The following MAN1A2 variants were observed in gnomAD, a reference collection of about 807,000 sequenced individuals.
MAN1A2 encodes the protein mannosidase alpha class 1A member 2, also known as mannosyl-oligosaccharide 1,2-alpha-mannosidase IB.
A neutral mutation model predicts 75.7 loss-of-function variants in MAN1A2; 26 were observed. The observed-to-expected ratio is 0.34, with a 90% confidence interval of 0.25 to 0.48. The LOEUF (loss-of-function observed/expected upper bound fraction) is 0.48, where lower values mean the gene tolerates loss of function less well. Ranked by LOEUF, MAN1A2 falls within the 20% of genes least tolerant of loss-of-function variation. MAN1A2 has a pLI of 0.99. For missense variants in MAN1A2, 562 were observed against 775.5 expected (o/e 0.72, Z 3.27); for synonymous variants, 247 against 264.6 (o/e 0.93, Z 0.65).
At chr1:117,480,538 C>CT (rs889659542) in intron 8 of MAN1A2, among the ~76,000 whole-genome samples, 4 of 151,596 alleles carry the variant, frequency 2.6e-5, no homozygotes, top group Non-Finnish European at 5.9e-5. Flanking sequence ...GCCAGAAGCA[C>CT]TTTTTTAAAA....
intron 8 of MAN1A2, among the ~76,000 whole-genome samples, chr1:117,469,389 C>T (rs1191078709): frequency 6.6e-6 from 1 of 151,954 alleles, no homozygotes; most frequent in South Asian, 2.1e-4. Context: ...TCTTCGTGAC[C>T]TTTGATTTGA....
intron 1 of MAN1A2, among the ~76,000 whole-genome samples, chr1:117,391,854 A>C (rs999617782): frequency 6.6e-6 from 1 of 152,164 alleles, no homozygotes; most frequent in Non-Finnish European, 1.5e-5. Context: ...ACCCGTTTCT[A>C]TCCAGTCAGT....
At chr1:117,471,492 A>G (rs1650150182) in intron 8 of MAN1A2, among the ~76,000 whole-genome samples, 2 of 151,904 alleles carry the variant, frequency 1.3e-5, no homozygotes, top group Admixed American at 1.3e-4. Context: ...ATTTCTGAAT[A>G]TCAAAAGGAC....
chr1:117,404,022 A>G (rs1404646739), intron 2 of MAN1A2, among the ~76,000 whole-genome samples: 1 of 152,212 alleles, frequency 6.6e-6, no homozygotes, highest in Non-Finnish European at 1.5e-5. Flanking sequence ...ATTTTTCTCT[A>G]GATGACTGTA....
intron 8 of MAN1A2, among the ~76,000 whole-genome samples, chr1:117,469,345 C>G (rs1650069814): frequency 6.6e-6 from 1 of 152,056 alleles, no homozygotes. Context: ...AGAACCAAAA[C>G]TGTAAAACTC....
chr1:117,382,918 A>G (rs190185866), intron 1 of MAN1A2, among the ~76,000 whole-genome samples: 5 of 152,328 alleles, frequency 3.3e-5, no homozygotes, highest in Admixed American at 2.6e-4. Context: ...TATTAGCTCT[A>G]TTAATCATTT....
chr1:117,400,542 C>G (rs1165923958), intron 1 of MAN1A2, among the ~76,000 whole-genome samples: 1 of 151,382 alleles, frequency 6.6e-6, no homozygotes, highest in Non-Finnish European at 1.5e-5. Context: ...CTGGCTACCA[C>G]TAATCTATTC....
At chr1:117,402,970 A>G (rs1218067282) in intron 2 of MAN1A2, among the ~76,000 whole-genome samples, 1 of 152,144 alleles carries the variant, frequency 6.6e-6, no homozygotes, top group Non-Finnish European at 1.5e-5. Context: ...AAATTCTTTA[A>G]ATTTATTTAG....
chr1:117,371,839 T>C (rs1652973981), intron 1 of MAN1A2, among the ~76,000 whole-genome samples: 1 of 151,302 alleles, frequency 6.6e-6, no homozygotes, highest in Non-Finnish European at 1.5e-5. Flanking sequence ...CTTGAAAAAT[T>C]AGAGGTTATG....
At chr1:117,479,324 A>G (rs1343440608) in intron 8 of MAN1A2, among the ~76,000 whole-genome samples, 1 of 151,834 alleles carries the variant, frequency 6.6e-6, no homozygotes, top group Non-Finnish European at 1.5e-5. Flanking sequence ...TATGTACCAC[A>G]TTTTCTTTAT....
At chr1:117,426,914 T>A (rs1244875075) in intron 5 of MAN1A2, among the ~76,000 whole-genome samples, 1 of 152,194 alleles carries the variant, frequency 6.6e-6, no homozygotes, top group East Asian at 1.9e-4. Context: ...TGTCTTTTTA[T>A]ATATTGCAAG....
At chr1:117,485,263 TTAAC>T (rs1650636591) in intron 8 of MAN1A2, among the ~76,000 whole-genome samples, 1 of 151,994 alleles carries the variant, frequency 6.6e-6, no homozygotes, top group South Asian at 2.1e-4. Flanking sequence ...ATGTATAGTA[TTAAC>T]TAATTGCAGT....
At chr1:117,374,972 C>T (rs894376068) in intron 1 of MAN1A2, among the ~76,000 whole-genome samples, 2 of 151,912 alleles carry the variant, frequency 1.3e-5, no homozygotes, top group African/African-American at 4.8e-5. Flanking sequence ...GAAATCTATA[C>T]CGATTTAAAA....
intron 8 of MAN1A2, among the ~76,000 whole-genome samples, chr1:117,470,296 G>A (rs1650110346): frequency 6.6e-6 from 1 of 152,064 alleles, no homozygotes; most frequent in Non-Finnish European, 1.5e-5. Flanking sequence ...GATTAGAGTT[G>A]ACCAGAGGCT....
intron 5 of MAN1A2, among the ~76,000 whole-genome samples, chr1:117,436,131 C>A (rs1367371594): frequency 1.3e-5 from 2 of 152,052 alleles, no homozygotes; most frequent in African/African-American, 4.8e-5. Context: ...GTTACTTGAA[C>A]AGAGAAAATT....
intron 12 of MAN1A2, among the ~76,000 whole-genome samples, chr1:117,509,816 CAAAA>C (rs3835644): frequency 6.7e-6 from 1 of 148,418 alleles, no homozygotes; most frequent in African/African-American, 2.5e-5. Context: ...GAAGAAATGA[CAAAA>C]AAAAAAAATG....
chr1:117,451,448 T>C (rs1383405418), intron 6 of MAN1A2, among the ~76,000 whole-genome samples: 1 of 152,116 alleles, frequency 6.6e-6, no homozygotes, highest in Non-Finnish European at 1.5e-5. Context: ...AATAAGACTT[T>C]GGGGGACTGT....
chr1:117,402,802 A>G (rs770329976), intron 2 of MAN1A2, among the ~76,000 whole-genome samples: 5 of 152,116 alleles, frequency 3.3e-5, no homozygotes, highest in East Asian at 1.9e-4. Context: ...GCTAGATACT[A>G]TGCAGATCAC....
At chr1:117,400,625 T>A (rs2101751728) in intron 1 of MAN1A2, among the ~76,000 whole-genome samples, 1 of 152,232 alleles carries the variant, frequency 6.6e-6, no homozygotes, top group African/African-American at 2.4e-5. Flanking sequence ...CTTTTGAAAT[T>A]GGCTTCTTTC....
Sources: allele counts gnomAD v4.1 joint callset (sites outside exome capture counted in the v4.1 genomes callset), GRCh38; gene constraint gnomAD v4.1.1; transcripts MANE v1.5; gene names NCBI Gene and HGNC (gene_info 2026-07-23, HGNC 2026-07-21).